The following SCHIP1 variants were observed in gnomAD, a reference collection of about 807,000 sequenced individuals.
SCHIP1 encodes the protein schwannomin-interacting protein 1.
A neutral mutation model predicts 29.7 loss-of-function variants in SCHIP1; 8 were observed. The observed-to-expected ratio is 0.27, with a 90% CI of 0.16 to 0.49. The LOEUF is 0.49. Among genes scored for constraint, SCHIP1 ranks in the 20% least tolerant of loss-of-function variants. The pLI, the probability that SCHIP1 is intolerant of heterozygous loss-of-function variation, is 0.99. For missense variants in SCHIP1, 193 were observed against 294.6 expected, an observed-to-expected ratio of 0.66 and a Z score of 2.52; for synonymous variants, 76 against 94.9, an observed-to-expected ratio of 0.80 and a Z score of 1.16.
chr3:159,544,919 C>T, the SCHIP1 span, among the ~76,000 whole-genome samples: 1 of 152,024 alleles, frequency 6.6e-6, no homozygotes, highest in Admixed American at 6.6e-5. Context: ...TCTTTGCCTA[C>T]TTCAAGATCA....
chr3:159,644,641 A>G, the SCHIP1 span, among the ~76,000 whole-genome samples: 1 of 152,178 alleles, frequency 6.6e-6, no homozygotes, highest in African/African-American at 2.4e-5. Context: ...TTGTTATTCC[A>G]AAAGTAAACA....
the SCHIP1 span, among the ~76,000 whole-genome samples, chr3:159,326,644 T>A: frequency 6.6e-6 from 1 of 152,204 alleles, no homozygotes; most frequent in Non-Finnish European, 1.5e-5. Flanking sequence ...ACTATTTTCC[T>A]ATGTATATTA....
the SCHIP1 span, among the ~76,000 whole-genome samples, chr3:159,471,260 A>C: frequency 6.6e-6 from 1 of 152,292 alleles, no homozygotes; most frequent in Middle Eastern, 3.4e-3. Context: ...GCTTATTTAC[A>C]AGAGGATAAA....
chr3:159,498,068 T>C, the SCHIP1 span, among the ~76,000 whole-genome samples: 1 of 152,208 alleles, frequency 6.6e-6, no homozygotes, highest in East Asian at 1.9e-4. Flanking sequence ...AACTATGTAT[T>C]ATACATTCAA....
At chr3:159,553,313 T>C in the SCHIP1 span, among the ~76,000 whole-genome samples, 1 of 151,592 alleles carries the variant, frequency 6.6e-6, no homozygotes, top group Non-Finnish European at 1.5e-5. Context: ...CCATTTGTTT[T>C]ATGAGGGGTG....
chr3:159,530,494 C>T, the SCHIP1 span, among the ~76,000 whole-genome samples: 2 of 152,120 alleles, frequency 1.3e-5, no homozygotes. Flanking sequence ...CTGGCCTTTT[C>T]CTTACTTCTA....
chr3:159,319,823 A>G, the SCHIP1 span, among the ~76,000 whole-genome samples: 1 of 152,134 alleles, frequency 6.6e-6, no homozygotes, highest in East Asian at 1.9e-4. Flanking sequence ...TTTACTCCTC[A>G]TTTGAATCTG....
At chr3:159,390,308 T>G in the SCHIP1 span, among the ~76,000 whole-genome samples, 2 of 152,116 alleles carry the variant, frequency 1.3e-5, no homozygotes, top group South Asian at 4.1e-4. Context: ...GTAACCATTT[T>G]TTCTTATTTA....
the SCHIP1 span, among the ~76,000 whole-genome samples, chr3:159,409,230 G>A: frequency 6.6e-6 from 1 of 151,944 alleles, no homozygotes; most frequent in African/African-American, 2.4e-5. Context: ...TCTGGAACAT[G>A]ACAAGGATAC....
At chr3:159,616,167 G>T in the SCHIP1 span, among the ~76,000 whole-genome samples, 2 of 152,194 alleles carry the variant, frequency 1.3e-5, no homozygotes, top group Admixed American at 1.3e-4. Context: ...TACAAGCTCT[G>T]GGGCAAGATA....
the SCHIP1 span, among the ~76,000 whole-genome samples, chr3:159,651,550 C>T: frequency 6.6e-6 from 1 of 152,114 alleles, no homozygotes; most frequent in East Asian, 1.9e-4. Context: ...TTGGTTATTG[C>T]CTCAATCACA....
At chr3:159,328,952 G>A in the SCHIP1 span, among the ~76,000 whole-genome samples, 4 of 152,176 alleles carry the variant, frequency 2.6e-5, no homozygotes, top group African/African-American at 9.7e-5. Context: ...TCATAGGAAT[G>A]ATATGTGGAT....
chr3:159,634,532 T>C, the SCHIP1 span, among the ~76,000 whole-genome samples: 1 of 152,310 alleles, frequency 6.6e-6, no homozygotes, highest in Admixed American at 6.5e-5. Flanking sequence ...AAATTTATCT[T>C]CCTTTTGTTA....
the SCHIP1 span, among the ~76,000 whole-genome samples, chr3:159,352,791 A>G: frequency 6.6e-6 from 1 of 150,504 alleles, no homozygotes. Context: ...TTACTTTAAC[A>G]TGTATTGGGA....
chr3:159,870,144 G>A (rs1715097837), intron 2 of SCHIP1, among the ~76,000 whole-genome samples: 1 of 151,812 alleles, frequency 6.6e-6, no homozygotes, highest in Non-Finnish European at 1.5e-5. Context: ...GATTCCCTGG[G>A]ATTTTTAAAG....
At position 159,889,033 on chromosome 3, in the gene SCHIP1, A is replaced by G. The variant is rs1184809282; in HGVS notation, c.589+90A>G. On this transcript the variant is annotated intron_variant, in intron 5 of 6. Coordinates refer to ENST00000445224, the Ensembl canonical transcript of SCHIP1. ...CCTTGGTCCAACTTTTTCATACAACATTTCATTGGGTTCCTGTGTGATTGC... is the reference window on the plus strand; with the variant it reads ...CCTTGGTCCAACTTTTTCATACAACGTTTCATTGGGTTCCTGTGTGATTGC... The G allele has an allele frequency of 8.8e-6, 13 of 1,471,030 alleles. 1 individual carries two copies. Among genetic ancestry groups the G allele is most frequent in the Non-Finnish European group, 1.1e-5 (12 of 1,102,934 alleles). 91.1% of individuals were successfully genotyped at this position (1,471,030 alleles called of 1,614,324 possible). A position where few individuals can be genotyped will look rare whatever the true frequency, so the allele number is the denominator to read the frequency against.
chr3:159,678,751 C>A, the SCHIP1 span, among the ~76,000 whole-genome samples: 2,443 of 152,302 alleles, frequency 0.016, 65 homozygotes, highest in African/African-American at 0.056. Flanking sequence ...ACTTACAGTT[C>A]CACATGGCCG....
At chr3:159,567,982 A>G in the SCHIP1 span, among the ~76,000 whole-genome samples, 3 of 152,078 alleles carry the variant, frequency 2.0e-5, no homozygotes, top group Non-Finnish European at 2.9e-5. Context: ...CATTCATTAA[A>G]GTTTTGTAAT....
chr3:159,434,583 C>T, the SCHIP1 span, among the ~76,000 whole-genome samples: 1 of 152,248 alleles, frequency 6.6e-6, no homozygotes, highest in African/African-American at 2.4e-5. Flanking sequence ...TCCCCATCAT[C>T]TCCAAAAGCA....
Sources: gnomAD v4.1 joint callset for allele counts (sites outside exome capture counted in the v4.1 genomes callset) on GRCh38, gnomAD v4.1.1 for gene constraint, MANE v1.5 for transcripts, NCBI Gene and HGNC (gene_info 2026-07-23, HGNC 2026-07-21) for gene names.